Variants in RPS6KC1 observed in about 807,000 individuals in gnomAD.
The protein encoded by RPS6KC1 is inactive ribosomal protein S6 kinase delta-1.
RPS6KC1 carries 54 observed loss-of-function variants against 103.8 expected under a neutral mutation model. The observed-to-expected ratio is 0.52, with a 90% confidence interval of 0.42 to 0.65. RPS6KC1 has a LOEUF of 0.65. Among genes scored for constraint, RPS6KC1 ranks in the 30% least tolerant of loss-of-function variants. RPS6KC1 has a pLI of 0.00. For synonymous variants in RPS6KC1, 439 were observed against 438.7 expected (o/e 1.00, Z -0.01); for missense variants, 1,151 against 1,253.8 (o/e 0.92, Z 1.24).
intron 4 of RPS6KC1, among the ~76,000 whole-genome samples, chr1:213,108,581 T>G (rs183389734): frequency 6.6e-6 from 1 of 151,984 alleles, no homozygotes; most frequent in Non-Finnish European, 1.5e-5. Flanking sequence ...TCCATAAAAA[T>G]TTTTAGTGGC....
the RPS6KC1 span, among the ~76,000 whole-genome samples, chr1:213,409,341 C>T: frequency 1.6e-4 from 24 of 151,976 alleles, no homozygotes; most frequent in Admixed American, 7.2e-4. Context: ...CTAAGGAATG[C>T]GAGGAAGGGG....
intron 8 of RPS6KC1, among the ~76,000 whole-genome samples, chr1:213,206,966 C>T (rs766967623): frequency 2.0e-5 from 3 of 152,094 alleles, no homozygotes; most frequent in Non-Finnish European, 4.4e-5. Flanking sequence ...CAAAAATTAG[C>T]CGGGCATGCT....
the RPS6KC1 span, among the ~76,000 whole-genome samples, chr1:213,431,647 T>TTGTG: frequency 4.3e-4 from 55 of 127,826 alleles, no homozygotes; most frequent in African/African-American, 1.5e-3. Flanking sequence ...ATTCCATTGT[T>TTGTG]TGTGTGTATG....
chr1:213,272,327 C>T (rs2095064809), intron 14 of RPS6KC1, among the ~76,000 whole-genome samples, 197 bp from the exon 15 acceptor site: 1 of 152,216 alleles, frequency 6.6e-6, no homozygotes, highest in South Asian at 2.1e-4. Flanking sequence ...GCCATAAACT[C>T]AGTTCAGGTG....
At chr1:213,659,132 T>C in the RPS6KC1 span, among the ~76,000 whole-genome samples, 1 of 152,056 alleles carries the variant, frequency 6.6e-6, no homozygotes, top group Middle Eastern at 3.4e-3. Flanking sequence ...ACCTGGCTAG[T>C]TTTTGTACTT....
At chr1:213,318,307 T>A in the RPS6KC1 span, among the ~76,000 whole-genome samples, 1 of 152,378 alleles carries the variant, frequency 6.6e-6, no homozygotes, top group Non-Finnish European at 1.5e-5. Context: ...AGAGCCTCCC[T>A]TTAGCAAGTA....
chr1:213,819,636 T>G, the RPS6KC1 span: 1 of 152,200 alleles, frequency 6.6e-6, no homozygotes, highest in South Asian at 2.1e-4. Context: ...CTCTGTGAGG[T>G]TTTGTGAAAA....
chr1:213,413,596 A>G, the RPS6KC1 span, among the ~76,000 whole-genome samples: 1 of 152,186 alleles, frequency 6.6e-6, no homozygotes, highest in Non-Finnish European at 1.5e-5. Flanking sequence ...CTCAGTTTCT[A>G]TCCATGCGTA....
At chr1:213,249,963 C>T (rs775615049) in intron 12 of RPS6KC1, among the ~76,000 whole-genome samples, 3 of 152,060 alleles carry the variant, frequency 2.0e-5, no homozygotes, top group South Asian at 2.1e-4. Context: ...CAGGTCACCA[C>T]GACAACAAGA....
chr1:213,627,846 G>C, the RPS6KC1 span, among the ~76,000 whole-genome samples: 7 of 152,028 alleles, frequency 4.6e-5, no homozygotes, highest in Admixed American at 2.0e-4. Flanking sequence ...TGAGGATTTT[G>C]GAATCGATGT....
chr1:213,617,825 T>C, the RPS6KC1 span, among the ~76,000 whole-genome samples: 1 of 152,196 alleles, frequency 6.6e-6, no homozygotes, highest in Non-Finnish European at 1.5e-5. Flanking sequence ...AGGAAAGAGA[T>C]GCTCTAAAGA....
chr1:213,760,365 G>A, the RPS6KC1 span, among the ~76,000 whole-genome samples: 1 of 152,192 alleles, frequency 6.6e-6, no homozygotes, highest in Non-Finnish European at 1.5e-5. Context: ...ACACAATTAG[G>A]GAACATTTGC....
At chr1:213,082,175 C>G (rs1475772437) in intron 3 of RPS6KC1, among the ~76,000 whole-genome samples, 1 of 151,960 alleles carries the variant, frequency 6.6e-6, no homozygotes, top group Non-Finnish European at 1.5e-5. Flanking sequence ...AATCCCAGCA[C>G]TTTGGGAGGC....
chr1:213,624,498 A>G, the RPS6KC1 span, among the ~76,000 whole-genome samples: 2 of 152,202 alleles, frequency 1.3e-5, no homozygotes, highest in Non-Finnish European at 2.9e-5. Context: ...CTTCATAAAT[A>G]TTGAAGGGCT....
intron 6 of RPS6KC1, among the ~76,000 whole-genome samples, chr1:213,138,821 G>T (rs1177410894): frequency 6.6e-6 from 1 of 152,206 alleles, no homozygotes; most frequent in Non-Finnish European, 1.5e-5. Flanking sequence ...ATAAACATGT[G>T]TGCATGTGTC....
At chr1:213,215,234 C>G (rs1338252688) in intron 8 of RPS6KC1, among the ~76,000 whole-genome samples, 2 of 152,106 alleles carry the variant, frequency 1.3e-5, no homozygotes, top group African/African-American at 4.8e-5. Flanking sequence ...GACGAATGCA[C>G]AAGCTTCAGT....
chr1:213,563,406 CTCTG>C, the RPS6KC1 span, among the ~76,000 whole-genome samples: 4 of 151,884 alleles, frequency 2.6e-5, no homozygotes, highest in Non-Finnish European at 5.9e-5. Context: ...ATAAGAAAAT[CTCTG>C]TCTTTTACTT....
chr1:213,082,075 A>G (rs1418885652), intron 3 of RPS6KC1, among the ~76,000 whole-genome samples: 1 of 152,152 alleles, frequency 6.6e-6, no homozygotes, highest in African/African-American at 2.4e-5. Flanking sequence ...TGGTTTTGAA[A>G]TGAGCTATGG....
chr1:213,484,021 C>T, the RPS6KC1 span, among the ~76,000 whole-genome samples: 1 of 152,252 alleles, frequency 6.6e-6, no homozygotes, highest in Admixed American at 6.5e-5. Flanking sequence ...ATGCTGTCTT[C>T]CTAGAATCCA....
Sources: allele counts gnomAD v4.1 joint callset (sites outside exome capture counted in the v4.1 genomes callset), GRCh38; gene constraint gnomAD v4.1.1; transcripts MANE v1.5; gene names NCBI Gene and HGNC (gene_info 2026-07-23, HGNC 2026-07-21).